The following RBM25 variants were observed in gnomAD, a reference collection of about 807,000 sequenced individuals.
RBM25 encodes the protein RNA-binding protein 25.
Under a neutral mutation model 120.7 loss-of-function variants are expected in RBM25, and 19 were observed. The ratio of observed to expected loss-of-function variants is 0.16; its 90% CI spans 0.11 to 0.23. The LOEUF is 0.23. Ranked by LOEUF, RBM25 falls within the 10% of genes least tolerant of loss-of-function variation. RBM25 has a pLI of 1.00. For missense variants in RBM25, 605 were observed against 1,041.5 expected, an observed-to-expected ratio of 0.58 and a Z score of 5.77; for synonymous variants, 390 against 326.7, an observed-to-expected ratio of 1.19 and a Z score of -2.09.
At chr14:73,108,430 A>C (rs2140460080) in intron 13 of RBM25, among the ~76,000 whole-genome samples, 1 of 152,290 alleles carries the variant, frequency 6.6e-6, no homozygotes. Context: ...TCTTCTAGCA[A>C]TTTGACCTCC....
At chr14:73,097,228 G>A in intron 7 of RBM25, 128 bp downstream of exon 7, 1 of 399,448 alleles carries the variant, frequency 2.5e-6, no homozygotes. Context: ...TGAGATGGAG[G>A]CTCACTTTGT....
intron 12 of RBM25, 55 bp downstream of exon 12, chr14:73,106,340 T>G: frequency 1.5e-6 from 2 of 1,356,672 alleles, no homozygotes; most frequent in Non-Finnish European, 1.0e-6. Flanking sequence ...AGATTGTATC[T>G]TTACTGCTAA....
At chr14:73,089,971 A>C (rs892100914) in intron 6 of RBM25, among the ~76,000 whole-genome samples, 3 of 152,078 alleles carry the variant, frequency 2.0e-5, no homozygotes, top group Admixed American at 2.0e-4. Context: ...TTTCTAAAAC[A>C]TAAGTATAAT....
At chr14:73,076,453 A>G in intron 3 of RBM25, 85 bp downstream of exon 3, 4 of 1,216,062 alleles carry the variant, frequency 3.3e-6, no homozygotes, top group South Asian at 2.5e-5. Flanking sequence ...TAGATAAATT[A>G]TGAGTATTTA....
At chr14:73,076,976 G>A (rs1895437826) in intron 3 of RBM25, among the ~76,000 whole-genome samples, 1 of 152,220 alleles carries the variant, frequency 6.6e-6, no homozygotes, top group Non-Finnish European at 1.5e-5. Context: ...AGCTACTCGG[G>A]AGGCCGAGGC....
intron 2 of RBM25, among the ~76,000 whole-genome samples, chr14:73,075,380 A>T (rs1895392901): frequency 2.6e-5 from 4 of 152,010 alleles, no homozygotes; most frequent in Non-Finnish European, 5.9e-5. Context: ...GTTAGTCTCA[A>T]ACTCCTGACC....
intron 6 of RBM25, among the ~76,000 whole-genome samples, chr14:73,093,972 G>A (rs1289764316): frequency 1.9e-4 from 22 of 116,596 alleles, no homozygotes; most frequent in African/African-American, 7.6e-4. Flanking sequence ...TTTTTCTTGA[G>A]ACAGAGTCTC....
chr14:73,110,818 G>A lies in RBM25; in HGVS notation c.1693-13G>A, dbSNP rs781451259. 4.4e-6 allele frequency: 7 copies of A among 1,591,602 alleles called. No homozygotes were observed. The highest frequency in any genetic ancestry group is 1.7e-4 in the Middle Eastern group (1 of 5,936). ...TAGAGTTGTAGTTAATCAGATTATT[G>A]TTTGGGTTTTAGATGGAACAAGAGG... On this transcript the variant is annotated splice_polypyrimidine_tract_variant and intron_variant, in intron 14 of 18. Transcript: ENST00000261973.
intron 5 of RBM25, among the ~76,000 whole-genome samples, chr14:73,087,115 A>T (rs1406169969): frequency 6.6e-6 from 1 of 152,124 alleles, no homozygotes; most frequent in African/African-American, 2.4e-5. Flanking sequence ...CTGTCATTAT[A>T]TACATATTTA....
Position 73,083,796 on chromosome 14 carries a change from G to A in RBM25, c.382+245G>A, listed in dbSNP as rs560130808. Among the ~76,000 whole-genome samples the A allele has an allele frequency of 1.4e-3, 217 of 152,078 alleles. 1 individual carries two copies. Among genetic ancestry groups the A allele is most frequent in the African/African-American group, 4.8e-3 (198 of 41,484 alleles). On this transcript the variant is annotated intron_variant, in intron 5 of 18. Coordinates refer to ENST00000261973, the MANE Select transcript of RBM25 (RefSeq NM_021239.3). ...AAATTAAAATTGCTCAATTTAACTG[G>A]TTTCTTGTTCTTTCAAAAGTCTCTT...
At chr14:73,111,504 G>T in intron 15 of RBM25, 24 bp from the exon 16 acceptor site, 1 of 1,565,544 alleles carries the variant, frequency 6.4e-7, no homozygotes, top group Non-Finnish European at 8.6e-7. Flanking sequence ...AAGTCATCTT[G>T]CTAAGAGAGT....
chr14:73,099,518 A>G, intron 8 of RBM25, 85 bp downstream of exon 8: 2 of 1,586,048 alleles, frequency 1.3e-6, no homozygotes, highest in Non-Finnish European at 1.7e-6. Flanking sequence ...ATTTTTCACT[A>G]TTTAACTTTA....
Position 73,091,734 on chromosome 14 carries a change from G to A in RBM25, c.543+3573G>A, listed in dbSNP as rs189704457. Among the ~76,000 whole-genome samples the A allele has an allele frequency of 8.2e-4, 124 of 152,072 alleles. No homozygotes were observed. In the East Asian group the frequency reaches 0.015, roughly 18 times the overall value. On this transcript the variant is annotated intron_variant, in intron 6 of 18. Coordinates refer to ENST00000261973, the MANE Select transcript of RBM25 (RefSeq NM_021239.3). ...TAAAAAAAAAATACAAAAATTAGCCGGATGTGGTGGTGCACACCTGTAATC... is the reference window on the plus strand; with the variant it reads ...TAAAAAAAAAATACAAAAATTAGCCAGATGTGGTGGTGCACACCTGTAATC...
intron 4 of RBM25, among the ~76,000 whole-genome samples, chr14:73,082,420 T>C (rs1022995499): frequency 5.3e-5 from 8 of 152,092 alleles, no homozygotes; most frequent in Non-Finnish European, 1.2e-4. Flanking sequence ...TCCTCCTGAG[T>C]AGCTGGGACC....
At chr14:73,112,865 G>A (rs1169536224) in intron 17 of RBM25, among the ~76,000 whole-genome samples, 4 of 151,834 alleles carry the variant, frequency 2.6e-5, no homozygotes, top group African/African-American at 9.7e-5. Flanking sequence ...GTGCAGTGGC[G>A]CAATCATGGC....
intron 18 of RBM25, among the ~76,000 whole-genome samples, chr14:73,114,847 A>G (rs1038004214): frequency 3.3e-5 from 5 of 152,146 alleles, no homozygotes; most frequent in African/African-American, 9.7e-5. Context: ...GTGAGCCGAG[A>G]TCATGCCATT....
At position 73,109,507 on chromosome 14, in the gene RBM25, C is replaced by T. The variant is rs185383675; in HGVS notation, c.1692+15C>T. 73 of 1,606,576 alleles carry T rather than the reference C, an allele frequency of 4.5e-5. No individual in the cohort carries two copies. The African/African-American group carries it at 8.8e-4, about 19-fold the overall frequency. On this transcript the variant is annotated intron_variant, in intron 14 of 18. Transcript: ENST00000261973. ...AGCTCCAGAGGGTAAGATACTGTAC[C>T]ATCTGGTCGGGCGCGGTGGCTCACG...
chr14:73,070,075 T>C (rs1331086537), intron 1 of RBM25, among the ~76,000 whole-genome samples: 2 of 152,032 alleles, frequency 1.3e-5, no homozygotes, highest in East Asian at 1.9e-4. Flanking sequence ...GTTCTTTTTT[T>C]TCTTTTTCTT....
In RBM25 at chr14:73,121,383, C is replaced by T. The variant is rs1228407265; in HGVS notation, c.*1578C>T. 3.3e-5 allele frequency: 5 copies of T among 152,344 alleles called. No individual in the cohort carries two copies. The highest frequency in any genetic ancestry group is 1.3e-4 in the Admixed American group (2 of 15,258). 9.4% of individuals were successfully genotyped at this position (152,344 alleles called of 1,614,324 possible). On this transcript the variant is annotated 3_prime_UTR_variant, in exon 19 of 19. Coordinates refer to ENST00000261973, the MANE Select transcript of RBM25 (RefSeq NM_021239.3). ...TCATGTTGTAATTGTGTGGTGCATA[C>T]TAGAAAAGTTAAAAATATGGGCTGA...
Sources: allele counts gnomAD v4.1 joint callset (sites outside exome capture counted in the v4.1 genomes callset), GRCh38; gene constraint gnomAD v4.1.1; transcripts MANE v1.5; gene names NCBI Gene and HGNC (gene_info 2026-07-23, HGNC 2026-07-21).